The following NKAIN3 variants were observed in gnomAD, a reference collection of about 807,000 sequenced individuals.
The protein encoded by NKAIN3 is sodium/potassium-transporting ATPase subunit beta-1-interacting protein 3.
NKAIN3 carries 25 observed loss-of-function variants against 30.2 expected under a neutral mutation model. The ratio of observed to expected loss-of-function variants is 0.83; its 90% CI spans 0.60 to 1.16. The LOEUF (loss-of-function observed/expected upper bound fraction) is 1.16, where lower values mean the gene tolerates loss of function less well. Ranked by LOEUF, NKAIN3 falls within the 50% of genes most tolerant of loss-of-function variation. NKAIN3 has a pLI of 0.00. For missense variants in NKAIN3, 225 were observed against 254.1 expected (o/e 0.89, Z 0.78); for synonymous variants, 91 against 89.6 (o/e 1.02, Z -0.09).
chr8:62,856,438 T>A, intron 4 of NKAIN3: 1 of 789,890 alleles, frequency 1.3e-6, no homozygotes, highest in Non-Finnish European at 2.3e-6. Flanking sequence ...GCTGGTGATA[T>A]CTCTATAGAA....
intron 1 of NKAIN3, among the ~76,000 whole-genome samples, chr8:62,461,459 GGAAAAA>G (rs1805998874): frequency 6.6e-6 from 1 of 152,018 alleles, no homozygotes; most frequent in South Asian, 2.1e-4. Context: ...CATTCAAAGG[GGAAAAA>G]GCAATCAATA....
At chr8:62,626,471 A>G (rs1408757809) in intron 3 of NKAIN3, among the ~76,000 whole-genome samples, 1 of 152,056 alleles carries the variant, frequency 6.6e-6, no homozygotes, top group Non-Finnish European at 1.5e-5. Context: ...TTGTTTTCAG[A>G]CTATCCAGAA....
chr8:62,723,946 G>C (rs35935425), intron 3 of NKAIN3, among the ~76,000 whole-genome samples: 1 of 152,082 alleles, frequency 6.6e-6, no homozygotes, highest in Non-Finnish European at 1.5e-5. Context: ...ACTTCTTACT[G>C]TGTTTTCTCT....
intron 1 of NKAIN3, among the ~76,000 whole-genome samples, chr8:62,338,792 T>G (rs1236514054): frequency 1.3e-5 from 2 of 151,960 alleles, no homozygotes; most frequent in African/African-American, 2.4e-5. Context: ...GTCAGTCTAG[T>G]CTTTTAATGT....
intron 1 of NKAIN3, among the ~76,000 whole-genome samples, chr8:62,428,660 T>C (rs1358953153): frequency 6.6e-6 from 1 of 152,024 alleles, no homozygotes; most frequent in East Asian, 1.9e-4. Context: ...TTGAGAAATG[T>C]CCATTTAGCA....
At chr8:62,346,904 A>G (rs780369281) in intron 1 of NKAIN3, among the ~76,000 whole-genome samples, 1 of 152,142 alleles carries the variant, frequency 6.6e-6, no homozygotes, top group Non-Finnish European at 1.5e-5. Context: ...TGAATGACAT[A>G]ACATCCCCAC....
intron 1 of NKAIN3, among the ~76,000 whole-genome samples, chr8:62,283,720 A>C (rs928146548): frequency 2.0e-5 from 3 of 152,160 alleles, no homozygotes; most frequent in African/African-American, 7.2e-5. Context: ...AATAATGACA[A>C]CTTTTCTTCC....
chr8:62,978,880 G>A lies in NKAIN3; in HGVS notation c.*13473G>A, dbSNP rs778304818. The A allele has an allele frequency of 5.8e-5, 9 of 154,232 alleles. No individual in the cohort carries two copies. Among genetic ancestry groups the A allele is most frequent in the African/African-American group, 9.6e-5 (4 of 41,468 alleles). 9.6% of individuals were successfully genotyped at this position (154,232 alleles called of 1,614,324 possible). The stretch of plus-strand genomic sequence containing the variant: ...AGGGATCTCCTTGTCTGTGGATTGC[G>A]AAGACCATGGGAAAAGCGTAGTATC... On this transcript the variant is annotated 3_prime_UTR_variant, in exon 7 of 7. Transcript: ENST00000623646.
intron 3 of NKAIN3, among the ~76,000 whole-genome samples, chr8:62,731,234 G>GACACACACAC (rs67571816): frequency 1.1e-3 from 152 of 143,752 alleles, no homozygotes; most frequent in African/African-American, 3.7e-3. Flanking sequence ...GGGATCACAG[G>GACACACACAC]ACACACACAC....
chr8:62,723,860 A>G (rs954655877), intron 3 of NKAIN3, among the ~76,000 whole-genome samples: 8 of 152,170 alleles, frequency 5.3e-5, no homozygotes, highest in Admixed American at 1.3e-4. Context: ...ACCAACTAAG[A>G]AATAATCACA....
At chr8:62,774,160 T>C in intron 4 of NKAIN3, among the ~76,000 whole-genome samples, 1 of 152,358 alleles carries the variant, frequency 6.6e-6, no homozygotes, top group East Asian at 1.9e-4. Flanking sequence ...TTGCTTTATT[T>C]GTAGGTATTG....
At chr8:62,778,128 G>A (rs878921338) in intron 4 of NKAIN3, among the ~76,000 whole-genome samples, 2 of 151,990 alleles carry the variant, frequency 1.3e-5, no homozygotes, top group South Asian at 2.1e-4. Flanking sequence ...CCATTACCAC[G>A]GAGACTGTGC....
intron 3 of NKAIN3, among the ~76,000 whole-genome samples, chr8:62,731,999 A>C (rs1486877471): frequency 1.3e-5 from 2 of 152,132 alleles, no homozygotes; most frequent in Admixed American, 6.5e-5. Flanking sequence ...AGAATATATA[A>C]TCAAAATGCC....
intron 1 of NKAIN3, among the ~76,000 whole-genome samples, chr8:62,280,002 A>T (rs1045966809): frequency 6.6e-6 from 1 of 152,152 alleles, no homozygotes; most frequent in African/African-American, 2.4e-5. Context: ...CTTCCTATCC[A>T]TGAGCATGGA....
intron 4 of NKAIN3, chr8:62,863,489 A>G (rs1033802551): frequency 6.5e-7 from 1 of 1,545,806 alleles, no homozygotes; most frequent in African/African-American, 1.4e-5. Flanking sequence ...CTCTTCAGAC[A>G]ACGTACTGGG....
intron 4 of NKAIN3, among the ~76,000 whole-genome samples, chr8:62,843,813 G>C (rs1471188127): frequency 2.6e-5 from 4 of 152,220 alleles, no homozygotes; most frequent in Non-Finnish European, 5.9e-5. Context: ...TGATAAGAGA[G>C]CTTTCTGTGT....
At chr8:62,454,943 G>A (rs1401656855) in intron 1 of NKAIN3, among the ~76,000 whole-genome samples, 1 of 152,202 alleles carries the variant, frequency 6.6e-6, no homozygotes, top group East Asian at 1.9e-4. Context: ...GAATATCATT[G>A]TGATACAATT....
At chr8:62,501,752 A>G (rs1807460600) in intron 1 of NKAIN3, among the ~76,000 whole-genome samples, 1 of 152,196 alleles carries the variant, frequency 6.6e-6, no homozygotes, top group African/African-American at 2.4e-5. Context: ...CCATTTTTGT[A>G]GCAAACATAA....
intron 1 of NKAIN3, among the ~76,000 whole-genome samples, chr8:62,290,352 C>T (rs1464843420): frequency 6.6e-6 from 1 of 152,096 alleles, no homozygotes; most frequent in African/African-American, 2.4e-5. Flanking sequence ...CAGTTTTTGC[C>T]CATTCAGTAT....
Sources: allele counts gnomAD v4.1 joint callset (sites outside exome capture counted in the v4.1 genomes callset), GRCh38; gene constraint gnomAD v4.1.1; transcripts MANE v1.5; gene names NCBI Gene and HGNC (gene_info 2026-07-23, HGNC 2026-07-21).